DDX5: variants seen among roughly 807,000 people sequenced by gnomAD.
The protein encoded by DDX5 is DEAD-box helicase 5, also known as probable ATP-dependent RNA helicase DDX5.
In DDX5, 6 loss-of-function variants were observed where a neutral mutation model predicts 68.6. That is an observed-to-expected ratio of 0.09 (90% CI 0.05 to 0.17). The LOEUF is 0.17. Ranked by LOEUF, DDX5 falls within the 10% of genes least tolerant of loss-of-function variation. DDX5 has a pLI of 1.00. For missense variants in DDX5, 499 were observed against 756.1 expected, an observed-to-expected ratio of 0.66 and a Z score of 3.99; for synonymous variants, 350 against 247.0, an observed-to-expected ratio of 1.42 and a Z score of -3.91.
chr17:64,501,735 G>A (rs888309021), intron 11 of DDX5: 170 of 497,542 alleles, frequency 3.4e-4, no homozygotes, highest in Non-Finnish European at 5.3e-4. Context: ...AACAGTTTAC[G>A]GGGCAGAGGT....
chr17:64,505,216 A>C (rs1555671988), intron 1 of DDX5: 1 of 256,568 alleles, frequency 3.9e-6, no homozygotes, highest in African/African-American at 2.3e-5. Flanking sequence ...AGGCTACATG[A>C]ACCGAAGAGC....
At position 64,500,013 on chromosome 17, in the gene DDX5, G is replaced by A. The variant is rs1477006177; in HGVS notation, c.1755C>T (p.His585=). Residue 585 remains histidine (H), a synonymous_variant, in exon 13 of 13, where the codon CAC becomes CAT. Coordinates refer to ENST00000225792, the MANE Select transcript of DDX5 (RefSeq NM_004396.5). ...QQYGSNVPNM[H]NGMNQQAYAY... is the part of the protein sequence containing the mutation. ...CATATGCCTGTTGGTTCATACCATT[G>A]TGCATATTTGGAACATTACTTCCGT... The A allele has an allele frequency of 3.7e-6, 6 of 1,614,058 alleles. No individual in the cohort carries two copies. The African/African-American group carries it at 4.0e-5, about 11-fold the overall frequency.
At position 64,504,677 on chromosome 17, in the gene DDX5, T is replaced by C. The variant is rs781832424; in HGVS notation, c.210A>G (p.Ala70=). 107 of 1,608,888 alleles carry C rather than the reference T, an allele frequency of 6.7e-5. No individual in the cohort carries two copies. The South Asian group carries it at 1.1e-3, about 17-fold the overall frequency. Residue 70 remains alanine (A), a splice_region_variant and synonymous_variant, in exon 2 of 13, where the codon GCA becomes GCG. Transcript: ENST00000225792. ...QEHPDLARRT[A]QEVETYRRSK... ...GATGAAGCCACATGAATTTACTCAC[T>C]GCTGTGCGCCTAGCCAAATCAGGGT...
At chr17:64,501,677 C>T (rs1307842217) in intron 11 of DDX5, 3 of 345,562 alleles carry the variant, frequency 8.7e-6, no homozygotes, top group African/African-American at 2.1e-5. Context: ...AGAAGAAATA[C>T]CACGGCAGTG....
intron 11 of DDX5, chr17:64,501,147 G>C (rs1394229945): frequency 4.3e-6 from 1 of 231,888 alleles, no homozygotes; most frequent in Non-Finnish European, 8.6e-6. Context: ...TGAGGACCTT[G>C]AAACAAAAAA....
At chr17:64,504,475 A>AG in intron 2 of DDX5, 157 bp from the exon 3 acceptor site, 1 of 926,230 alleles carries the variant, frequency 1.1e-6, no homozygotes, top group South Asian at 1.8e-5. Flanking sequence ...TGAAAAAAAA[A>AG]ATTTATTGTT....
intron 1 of DDX5, chr17:64,505,455 G>C (rs1555672087): frequency 1.4e-5 from 8 of 570,910 alleles, no homozygotes; most frequent in Non-Finnish European, 2.5e-5. Flanking sequence ...AGGAGTCCCG[G>C]CCCGGGCGGA....
At chr17:64,505,766 T>C (rs1555672243) in intron 1 of DDX5, 3 of 1,536,056 alleles carry the variant, frequency 2.0e-6, no homozygotes, top group Non-Finnish European at 2.6e-6. Context: ...TTCCTTCGTC[T>C]GCCTCGAAGC....
chr17:64,502,840 A>C, intron 8 of DDX5, 86 bp downstream of exon 8: 1 of 1,340,542 alleles, frequency 7.5e-7, no homozygotes, highest in Non-Finnish European at 1.0e-6. Flanking sequence ...AACTGAAATA[A>C]CCTAAAACAA....
At chr17:64,506,352 T>C (rs2038522897), upstream of DDX5, 6 of 1,450,458 alleles carry the variant, frequency 4.1e-6, no homozygotes, top group Non-Finnish European at 5.4e-6. Flanking sequence ...CAGGGAACGC[T>C]GGGAGCCGCT....
At chr17:64,504,996 CAA>C in intron 1 of DDX5, 154 bp from the exon 2 acceptor site, 1 of 610,164 alleles carries the variant, frequency 1.6e-6, no homozygotes, top group Non-Finnish European at 2.7e-6. Context: ...CTCTCTCTCT[CAA>C]CAGCCACAGT....
At position 64,504,122 on chromosome 17, in the gene DDX5, A is replaced by T. The variant is rs368527674; in HGVS notation, c.308-6T>A. The T allele has an allele frequency of 9.9e-6, 16 of 1,614,088 alleles. No homozygotes were observed. The highest frequency in any genetic ancestry group is 1.4e-5 in the Non-Finnish European group (16 of 1,179,924). ...AATAACATCCATGACATTTGCTATA[A>T]TTAGTAACAGATATTTAGTAAAAAT... On this transcript the variant is annotated splice_region_variant and splice_polypyrimidine_tract_variant and intron_variant, in intron 3 of 12. Coordinates refer to ENST00000225792, the MANE Select transcript of DDX5 (RefSeq NM_004396.5).
chr17:64,504,414 G>T (rs1277445981), intron 2 of DDX5, 96 bp from the exon 3 acceptor site: 1 of 1,131,126 alleles, frequency 8.8e-7, no homozygotes, highest in African/African-American at 1.6e-5. Flanking sequence ...TTAGTAACTA[G>T]TTTAAAGTAG....
chr17:64,500,158 G>C lies in DDX5; in HGVS notation c.1610C>G (p.Ala537Gly), dbSNP rs782217570. The change falls in exon 13 of 13, where the codon GCT becomes GGT. Residue 537 changes from alanine to glycine, a missense_variant. Ala to Gly is a moderately conservative substitution (Grantham distance 60). This residue lies in a region of DDX5 where 171 missense variants were observed against 174.8 expected (regional missense o/e 0.98). Transcript: ENST00000225792. The stretch of plus-strand genomic sequence containing the variant: ...AAAGCTCCCATTGGTGTAATTTGCA[G>C]CACTGTAAACACCATTCTGAGTTTT... Reference protein sequence around the residue: ...GAKTQNGVYSAANYTNGSFGS... With the variant: ...GAKTQNGVYSGANYTNGSFGS... 1.9e-6 allele frequency: 3 copies of C among 1,614,076 alleles called. No homozygotes were observed. Among genetic ancestry groups the C allele is most frequent in the East Asian group, 2.2e-5 (1 of 44,898 alleles).
rs558962478 is a variant in DDX5, at chr17:64,506,273, G to C, written c.-154C>G. 9.1e-6 allele frequency: 14 copies of C among 1,536,364 alleles called. No individual in the cohort carries two copies. In the East Asian group the frequency reaches 2.7e-4, roughly 30 times the overall value. On this transcript the variant is annotated 5_prime_UTR_variant, in exon 1 of 13. Coordinates refer to ENST00000225792, the MANE Select transcript of DDX5 (RefSeq NM_004396.5). Reference sequence around the variant, plus strand: ...GCCGAAGCTGCACTACTAGAGACCGGTAGAAATGAATGAGGTGCCGGCCGC... The same window carrying C: ...GCCGAAGCTGCACTACTAGAGACCGCTAGAAATGAATGAGGTGCCGGCCGC...
At chr17:64,502,891 T>C (rs1175780118) in intron 8 of DDX5, 35 bp downstream of exon 8, 2 of 1,531,266 alleles carry the variant, frequency 1.3e-6, no homozygotes, top group Non-Finnish European at 8.8e-7. Flanking sequence ...GCAAAGTTGT[T>C]AGGAAGCAAA....
rs373380103 is a variant in DDX5 at position 64,502,061 on chromosome 17, G to A, written c.1165C>T (p.His389Tyr). 6.8e-6 allele frequency: 11 copies of A among 1,614,150 alleles called. No homozygotes were observed. The highest frequency in any genetic ancestry group is 9.3e-6 in the Non-Finnish European group (11 of 1,180,000). The stretch of plus-strand genomic sequence containing the variant: ...GCAATCAGAATAGGAGCTTTTCCAT[G>A]TTTGAATTCTACAAAGGAAGGCATA... Reference protein sequence around the residue: ...ERDWVLNEFKHGKAPILIATD... With the variant: ...ERDWVLNEFKYGKAPILIATD... Residue 389 changes from histidine to tyrosine, a missense_variant, in exon 11 of 13, where the codon CAT becomes TAT. Physicochemically the swap from His to Tyr is moderately conservative, Grantham distance 83 (BLOSUM62 2). Around this residue, in one of 5 missense-constraint regions of DDX5, gnomAD observed 26 missense variants for 128.2 expected, o/e 0.20. Transcript: ENST00000225792.
At position 64,506,062 on chromosome 17, in the gene DDX5, G is replaced by T. The variant is rs1555672458; in HGVS notation, c.44+14C>A. The T allele has an allele frequency of 5.1e-6, 8 of 1,568,150 alleles. No homozygotes were observed. ...CCCACCCGCCAGGCCTGACAGCTCGGCTCCCAAACTCACCCTCGGTCCCGG... is the reference window on the plus strand; with the variant it reads ...CCCACCCGCCAGGCCTGACAGCTCGTCTCCCAAACTCACCCTCGGTCCCGG... On this transcript the variant is annotated intron_variant, in intron 1 of 12. Coordinates refer to ENST00000225792, the MANE Select transcript of DDX5 (RefSeq NM_004396.5).
chr17:64,506,021 C>CCA, intron 1 of DDX5, 55 bp downstream of exon 1: 1 of 887,034 alleles, frequency 1.1e-6, no homozygotes, highest in Non-Finnish European at 1.7e-6. Flanking sequence ...GCCACCCTGA[C>CCA]CCGCCCTCCC....
Sources: gnomAD v4.1 joint callset for allele counts on GRCh38, gnomAD v4.1.1 for gene constraint, gnomAD v4.1.1 regional missense constraint, MANE v1.5 for transcripts, NCBI Gene and HGNC (gene_info 2026-07-23, HGNC 2026-07-21) for gene names.